LAMA5: variants seen among roughly 807,000 people sequenced by gnomAD.
LAMA5 encodes the protein laminin subunit alpha 5, also known as laminin subunit alpha-5.
LAMA5 carries 260 observed loss-of-function variants against 433.4 expected under a neutral mutation model. The ratio of observed to expected loss-of-function variants is 0.60; its 90% CI spans 0.54 to 0.66. The LOEUF (loss-of-function observed/expected upper bound fraction) is 0.66, where lower values mean the gene tolerates loss of function less well. LAMA5 is among the 30% of genes least tolerant of loss of function. LAMA5 has a pLI of 0.00. For synonymous variants in LAMA5, 2,620 were observed against 2,226.6 expected, an observed-to-expected ratio of 1.18 and a Z score of -4.97; for missense variants, 5,378 against 5,258.5, an observed-to-expected ratio of 1.02 and a Z score of -0.70.
intron 18 of LAMA5, among the ~76,000 whole-genome samples, chr20:62,336,112 G>A (rs1981576557): frequency 8.7e-6 from 1 of 115,034 alleles, no homozygotes; most frequent in Non-Finnish European, 1.8e-5. Context: ...TACTCCCTCA[G>A]GGCACACTCG....
In LAMA5 at chr20:62,359,632, C is replaced by T. The variant is rs565832567; in HGVS notation, c.450+2768G>A. ...CCTGGGGAAGGTCACGTCTGGAACT[C>T]GGAAACTGCCCCCTGAGTCACCAGT... On this transcript the variant is annotated intron_variant, in intron 2 of 79. Transcript: ENST00000252999. The surrounding 1 kb of genome is among the most constrained non-coding windows in gnomAD (Gnocchi z 4.3). Among the ~76,000 whole-genome samples, 52 of 152,184 alleles carry T rather than the reference C, an allele frequency of 3.4e-4. No homozygotes were observed. In the South Asian group the frequency reaches 6.4e-3, roughly 19 times the overall value.
intron 53 of LAMA5, 27 bp downstream of exon 53, chr20:62,318,427 G>C: frequency 6.4e-7 from 1 of 1,573,422 alleles, no homozygotes; most frequent in Non-Finnish European, 8.6e-7. Flanking sequence ...AGAGGAGCAG[G>C]AGGAAGAACA....
rs1440095255 is a variant in LAMA5, at chr20:62,312,029, G to C, written c.9526C>G (p.Leu3176Val). ...ASPDGLCQVSLQQGRVSLQLL... is the reference protein window; with the variant it reads ...ASPDGLCQVSVQQGRVSLQLL... ...TGTAGGCTCACACGGCCCTGCTGCAGGGACACCTGGCATAGCCCATCCTGG... is the reference window on the plus strand; with the variant it reads ...TGTAGGCTCACACGGCCCTGCTGCACGGACACCTGGCATAGCCCATCCTGG... Residue 3176 changes from leucine to valine, a missense_variant, in exon 70 of 80, where the codon CTG becomes GTG. Transcript: ENST00000252999. 6.2e-7 allele frequency: 1 copy of C among 1,612,510 alleles called. No homozygotes were observed. Among genetic ancestry groups the C allele is most frequent in the Non-Finnish European group, 8.5e-7 (1 of 1,179,830 alleles).
At chr20:62,358,077 C>T (rs1285737567) in intron 2 of LAMA5, among the ~76,000 whole-genome samples, 1 of 151,814 alleles carries the variant, frequency 6.6e-6, no homozygotes, top group Non-Finnish European at 1.5e-5. Context: ...AACAGGAAGC[C>T]TTTGGGGACC....
At chr20:62,354,138 G>C (rs1459442376) in intron 2 of LAMA5, among the ~76,000 whole-genome samples, 1 of 152,082 alleles carries the variant, frequency 6.6e-6, no homozygotes, top group Non-Finnish European at 1.5e-5. Flanking sequence ...CCATGTGTCT[G>C]TGCCTCGGGG....
intron 41 of LAMA5, 48 bp downstream of exon 41, chr20:62,325,268 G>T: frequency 8.1e-7 from 1 of 1,230,496 alleles, no homozygotes; most frequent in African/African-American, 1.5e-5. Context: ...GGAGGGAAGG[G>T]TGTGCACAGG....
At chr20:62,311,828 C>T (rs45550334) in intron 70 of LAMA5, 44 bp from the exon 71 acceptor site, 1 of 1,547,504 alleles carries the variant, frequency 6.5e-7, no homozygotes, top group Non-Finnish European at 8.7e-7. Context: ...CCCACCCTGC[C>T]CACCCCCACC....
rs1359828613 is a variant in LAMA5 at position 62,333,573 on chromosome 20, C to G, written c.3012G>C (p.Gly1004=). Residue 1004 remains glycine, a synonymous_variant, in exon 24 of 80, where the codon GGG becomes GGC. Coordinates refer to ENST00000252999, the MANE Select transcript of LAMA5 (RefSeq NM_005560.6). ...CTGGCCCCTGCCTCACCAGGAGCAC[C>G]CCTTCGGCCTCCACACGCAGGGCCC... The part of the protein sequence containing the change: ...GTWALRVEAE[G]VLLDYVVLLP... The G allele has an allele frequency of 3.2e-6, 5 of 1,566,068 alleles. No individual in the cohort carries two copies. The highest frequency in any genetic ancestry group is 4.3e-6 in the Non-Finnish European group (5 of 1,155,674).
chr20:62,330,487 C>A lies in LAMA5; in HGVS notation c.3979+1G>T. On this transcript the variant is annotated splice_donor_variant, in intron 31 of 79. Coordinates refer to ENST00000252999, the MANE Select transcript of LAMA5 (RefSeq NM_005560.6). LOFTEE classifies it high-confidence loss of function. ...CTCCACCCCCCACACCAGACACTCA[C>A]CCTGCCACACGCGGCCGGCGTTGAT... 1 of 1,546,052 alleles carries A rather than the reference C, an allele frequency of 6.5e-7. No individual in the cohort carries two copies. Among genetic ancestry groups the A allele is most frequent in the East Asian group, 2.4e-5 (1 of 41,890 alleles).
At position 62,346,763 on chromosome 20, in the gene LAMA5, G is replaced by A. The variant is rs773696725; in HGVS notation, c.1110C>T (p.Tyr370=). ...NCYGHATDCY[Y]DPEVDRRRAS... is the part of the protein sequence containing the mutation. The stretch of plus-strand genomic sequence containing the variant: ...CGCGGCGCCGGTCCACCTCAGGGTC[G>A]TAGTAACAGTCGGTGGCATGGCCGT... Residue 370 remains tyrosine, a synonymous_variant, in exon 8 of 80, where the codon TAC becomes TAT. Transcript: ENST00000252999. 33 of 1,612,730 alleles carry A rather than the reference G, an allele frequency of 2.0e-5. No homozygotes were observed. Among genetic ancestry groups the A allele is most frequent in the South Asian group, 3.3e-5 (3 of 91,028 alleles).
In LAMA5 at chr20:62,310,673, T is replaced by C. The variant is rs372116684; in HGVS notation, c.10438A>G (p.Lys3480Glu). 1 of 1,603,120 alleles carries C rather than the reference T, an allele frequency of 6.2e-7. No individual in the cohort carries two copies. Among genetic ancestry groups the C allele is most frequent in the African/African-American group, 1.3e-5 (1 of 74,886 alleles). The change falls in exon 75 of 80, where the codon AAA becomes GAA. Residue 3480 changes from lysine (K) to glutamate (E), a missense_variant. Coordinates refer to ENST00000252999, the MANE Select transcript of LAMA5 (RefSeq NM_005560.6). Reference protein sequence around the residue: ...GGLPASSHSSKLPVTVGFSGC... With the variant: ...GGLPASSHSSELPVTVGFSGC... Reference sequence around the variant, plus strand: ...GGCAAGATGGTTCTCACCGGAAGTTTGGAGCTGTGGCTGCTGGCCGGGAGG... The same window carrying C: ...GGCAAGATGGTTCTCACCGGAAGTTCGGAGCTGTGGCTGCTGGCCGGGAGG...
rs745600027 is a variant in LAMA5, at chr20:62,309,784, T to A, written c.10880A>T (p.His3627Leu). The change falls in exon 79 of 80, where the codon CAC becomes CTC. Residue 3627 changes from histidine (H) to leucine (L), a missense_variant. By Grantham distance (99) the His-to-Leu change is moderately conservative. Coordinates refer to ENST00000252999, the MANE Select transcript of LAMA5 (RefSeq NM_005560.6). ...LRLEVDAQSNHTVGPLLAAAA... is the reference protein window; with the variant it reads ...LRLEVDAQSNLTVGPLLAAAA... ...AGCCGCCAGCAAGGGGCCCACGGTG[T>A]GGTTGCTCTGCGCGTCCACCTCCAG... 2 of 1,607,566 alleles carry A rather than the reference T, an allele frequency of 1.2e-6. No homozygotes were observed. The highest frequency in any genetic ancestry group is 2.7e-5 in the African/African-American group (2 of 74,422).
chr20:62,311,816 T>TCG, intron 70 of LAMA5, 32 bp from the exon 71 acceptor site: 12 of 1,520,988 alleles, frequency 7.9e-6, no homozygotes, highest in South Asian at 1.2e-5. Flanking sequence ...GCTCGGTTTT[T>TCG]CCCCACCCTG....
At position 62,324,469 on chromosome 20, in the gene LAMA5, C is replaced by A. The variant is rs141042281; in HGVS notation, c.5615G>T (p.Arg1872Leu). The change falls in exon 42 of 80, where the codon CGC (arginine) becomes CTC (leucine). Residue 1872 changes from arginine (R) to leucine (L), a missense_variant. Physicochemically the swap from Arg to Leu is moderately radical, Grantham distance 102 (BLOSUM62 -2). Transcript: ENST00000252999. This position sits in a 1 kb window ranked among gnomAD's most constrained non-coding sequence, Gnocchi z 4.4. ...VPCQCHGHSD[R>L]CLPGSGVCVD... The stretch of plus-strand genomic sequence containing the variant: ...ACAGACGCCAGAGCCAGGGAGGCAG[C>A]GGTCTGAGTGTCCATGGCACTGACA... The A allele has an allele frequency of 2.5e-6, 4 of 1,612,146 alleles. No individual in the cohort carries two copies. The African/African-American group carries it at 4.0e-5, about 16-fold the overall frequency.
chr20:62,347,639 T>A (rs1484773188), intron 6 of LAMA5, among the ~76,000 whole-genome samples: 1 of 152,162 alleles, frequency 6.6e-6, no homozygotes, highest in South Asian at 2.1e-4. Context: ...GAATCTTGCC[T>A]TACGTCCCGT....
At position 62,310,503 on chromosome 20, in the gene LAMA5, G is replaced by T; in HGVS notation, c.10516C>A (p.Arg3506=). ...LHGRPLGAPT[R]MAGVTPCILG... ...ATGCAGGGTGTGACCCCTGCCATCC[G>T]TGTGGGGGCCCCCAGGGGCCTCCCG... The change falls in exon 76 of 80, where the codon CGG becomes AGG. Residue 3506 remains arginine, a synonymous_variant. Transcript: ENST00000252999. 1 of 1,561,062 alleles carries T rather than the reference G, an allele frequency of 6.4e-7. No individual in the cohort carries two copies. The highest frequency in any genetic ancestry group is 8.6e-7 in the Non-Finnish European group (1 of 1,161,084).
rs770773411 is a variant in LAMA5 at position 62,311,975 on chromosome 20, CTTGAG to C, written c.9575_9579del (p.Thr3192SerfsTer26). ...TGGGGGGCACCATCGGCGAAGCCCG[CTTGAG>C]TTTTCACTTCAGTCCTCAGGAGCTG... On this transcript the variant is annotated frameshift_variant, in exon 70 of 80. Coordinates refer to ENST00000252999, the MANE Select transcript of LAMA5 (RefSeq NM_005560.6). LOFTEE classifies it high-confidence loss of function. 6.2e-7 allele frequency: 1 copy of C among 1,612,712 alleles called. No individual in the cohort carries two copies.
At chr20:62,318,193 GGAGAA>G (rs1167311915) in intron 53 of LAMA5, among the ~76,000 whole-genome samples, 1 of 13,680 alleles carries the variant, frequency 7.3e-5, no homozygotes, top group African/African-American at 4.4e-4. Flanking sequence ...GGAGAGGACA[GGAGAA>G]GAGGACAGGA....
chr20:62,352,872 A>G, intron 3 of LAMA5: 1 of 454,484 alleles, frequency 2.2e-6, no homozygotes, highest in Non-Finnish European at 3.9e-6. Flanking sequence ...CTGCCGGTGC[A>G]TGAAGCCATC....
Sources: allele counts gnomAD v4.1 joint callset (sites outside exome capture counted in the v4.1 genomes callset), GRCh38; gene constraint gnomAD v4.1.1; non-coding constraint Gnocchi (gnomAD v3.1); transcripts MANE v1.5; gene names NCBI Gene and HGNC (gene_info 2026-07-23, HGNC 2026-07-21).